Variants in LRBA observed in about 807,000 individuals in gnomAD.
LRBA encodes the protein lipopolysaccharide-responsive and beige-like anchor protein.
A neutral mutation model predicts 330.0 loss-of-function variants in LRBA; 176 were observed. The ratio of observed to expected loss-of-function variants is 0.53; its 90% CI spans 0.47 to 0.60. The LOEUF is 0.60. Ranked by LOEUF, LRBA falls within the 20% of genes least tolerant of loss-of-function variation. The pLI is 0.00. For synonymous variants in LRBA, 1,230 were observed against 1,193.0 expected (o/e 1.03, Z -0.64); for missense variants, 3,259 against 3,444.8 (o/e 0.95, Z 1.35).
intron 40 of LRBA, among the ~76,000 whole-genome samples, chr4:150,561,670 A>T (rs1445215022): frequency 6.6e-6 from 1 of 152,212 alleles, no homozygotes; most frequent in Non-Finnish European, 1.5e-5. Context: ...TAGACGCTCT[A>T]GAAGAGAATG....
At chr4:150,434,280 AT>A (rs1388001718) in intron 46 of LRBA, among the ~76,000 whole-genome samples, 1 of 152,222 alleles carries the variant, frequency 6.6e-6, no homozygotes. Context: ...TTAAAAAAAA[AT>A]AGACTGTATT....
chr4:150,298,933 A>C (rs1050437001), intron 53 of LRBA, among the ~76,000 whole-genome samples: 1 of 152,122 alleles, frequency 6.6e-6, no homozygotes, highest in African/African-American at 2.4e-5. Context: ...AAAATACCTA[A>C]TAAACATTTA....
chr4:150,455,976 T>C (rs1174008859), intron 44 of LRBA, among the ~76,000 whole-genome samples: 1 of 152,166 alleles, frequency 6.6e-6, no homozygotes, highest in Admixed American at 6.6e-5. Flanking sequence ...TCTAGTTCTA[T>C]CCATGTTGTT....
intron 22 of LRBA, among the ~76,000 whole-genome samples, chr4:150,864,269 C>A (rs1379756780): frequency 6.6e-6 from 1 of 151,904 alleles, no homozygotes; most frequent in African/African-American, 2.4e-5. Context: ...ATTAAGGTCC[C>A]CAAAGACTCT....
chr4:150,443,853 A>AAAAAATATATATATAT (rs70941406), intron 44 of LRBA, among the ~76,000 whole-genome samples: 6 of 75,474 alleles, frequency 7.9e-5, no homozygotes, highest in East Asian at 4.6e-4. Flanking sequence ...TAATTAAAAA[A>AAAAAATATATATATAT]ATATATATAT....
intron 16 of LRBA, among the ~76,000 whole-genome samples, chr4:150,893,461 G>A (rs1201733914): frequency 2.0e-5 from 3 of 151,902 alleles, no homozygotes; most frequent in Non-Finnish European, 2.9e-5. Context: ...AGCAATTCTT[G>A]TGCATAGCCT....
intron 2 of LRBA, among the ~76,000 whole-genome samples, chr4:150,971,694 T>G (rs1169467469): frequency 6.6e-6 from 1 of 152,190 alleles, no homozygotes; most frequent in Non-Finnish European, 1.5e-5. Context: ...ATACTAAATT[T>G]TATGTAACAA....
chr4:150,423,485 G>A (rs1749109268), intron 46 of LRBA: 5 of 544,216 alleles, frequency 9.2e-6, no homozygotes, highest in Non-Finnish European at 1.7e-5. Flanking sequence ...CAAATCTAAG[G>A]AATAATTTCT....
intron 40 of LRBA, among the ~76,000 whole-genome samples, chr4:150,504,293 G>A (rs1760737138): frequency 6.6e-6 from 1 of 152,152 alleles, no homozygotes; most frequent in Admixed American, 6.5e-5. Context: ...ATAATTTTCA[G>A]ATTCACCAAA....
chr4:150,804,573 G>A (rs1742265118), intron 33 of LRBA, among the ~76,000 whole-genome samples: 1 of 152,050 alleles, frequency 6.6e-6, no homozygotes, highest in Admixed American at 6.6e-5. Flanking sequence ...CCTAGCTACT[G>A]TTAGTCAACA....
intron 36 of LRBA, among the ~76,000 whole-genome samples, chr4:150,685,415 TATATA>T (rs1299431626): frequency 2.2e-3 from 50 of 22,670 alleles, no homozygotes; most frequent in South Asian, 0.011. Flanking sequence ...TATATATATA[TATATA>T]TTTTTTTTTT....
chr4:150,479,675 A>T (rs1420326587), intron 42 of LRBA, among the ~76,000 whole-genome samples: 3 of 152,200 alleles, frequency 2.0e-5, no homozygotes, highest in Admixed American at 6.5e-5. Flanking sequence ...CTTGTAAATG[A>T]ATACAATGTA....
chr4:150,745,946 T>C (rs1286657891), intron 35 of LRBA, among the ~76,000 whole-genome samples: 2 of 152,164 alleles, frequency 1.3e-5, no homozygotes, highest in Non-Finnish European at 2.9e-5. Flanking sequence ...GTTTCACTCA[T>C]TTTTCTGGTT....
At chr4:150,551,256 A>G (rs1016517613) in intron 40 of LRBA, among the ~76,000 whole-genome samples, 1 of 152,198 alleles carries the variant, frequency 6.6e-6, no homozygotes, top group Non-Finnish European at 1.5e-5. Context: ...TTCTTTATAA[A>G]TTACTAGTCT....
intron 5 of LRBA, among the ~76,000 whole-genome samples, chr4:150,920,092 A>G (rs1014061928): frequency 2.0e-5 from 3 of 152,236 alleles, no homozygotes; most frequent in African/African-American, 7.2e-5. Flanking sequence ...TATTGTGTAT[A>G]TAACATTTAA....
intron 36 of LRBA, among the ~76,000 whole-genome samples, chr4:150,693,780 A>C (rs1180440304): frequency 1.3e-5 from 2 of 152,064 alleles, no homozygotes; most frequent in Non-Finnish European, 2.9e-5. Context: ...AATGATGTTA[A>C]ACATACATTG....
At chr4:150,909,690 A>C (rs1731755275) in intron 9 of LRBA, among the ~76,000 whole-genome samples, 1 of 152,176 alleles carries the variant, frequency 6.6e-6, no homozygotes, top group African/African-American at 2.4e-5. Context: ...AAGTGAGATT[A>C]CTGGATCACA....
At chr4:150,932,942 A>G (rs1734669087) in intron 2 of LRBA, among the ~76,000 whole-genome samples, 1 of 152,142 alleles carries the variant, frequency 6.6e-6, no homozygotes. Context: ...AAACAAAAAA[A>G]TAGCAATTTG....
At chr4:150,585,538 G>A (rs1188238365) in intron 40 of LRBA, among the ~76,000 whole-genome samples, 1 of 152,144 alleles carries the variant, frequency 6.6e-6, no homozygotes, top group East Asian at 1.9e-4. Context: ...TCTTTTTAAT[G>A]CAAGGGAATA....
Sources: gnomAD v4.1 joint callset for allele counts (sites outside exome capture counted in the v4.1 genomes callset) on GRCh38, gnomAD v4.1.1 for gene constraint, MANE v1.5 for transcripts, NCBI Gene and HGNC (gene_info 2026-07-23, HGNC 2026-07-21) for gene names.